Variants in CTNNA2 observed in about 807,000 individuals in gnomAD.
CTNNA2 encodes catenin alpha-2.
A neutral mutation model predicts 101.0 loss-of-function variants in CTNNA2; 42 were observed. That is an observed-to-expected ratio of 0.42 (90% CI 0.32 to 0.54). The LOEUF (loss-of-function observed/expected upper bound fraction) is 0.54, where lower values mean the gene tolerates loss of function less well. CTNNA2 is among the 20% of genes least tolerant of loss of function. The pLI, the probability that CTNNA2 is intolerant of heterozygous loss-of-function variation, is 0.14. For synonymous variants in CTNNA2, 450 were observed against 456.4 expected, an observed-to-expected ratio of 0.99 and a Z score of 0.18; for missense variants, 871 against 1,223.1, an observed-to-expected ratio of 0.71 and a Z score of 4.29.
At chr2:80,276,818 C>T (rs919329048) in intron 7 of CTNNA2, among the ~76,000 whole-genome samples, 3 of 152,210 alleles carry the variant, frequency 2.0e-5, no homozygotes, top group Admixed American at 6.5e-5. Flanking sequence ...GACCCAAACA[C>T]CCCCAGTTAG....
intron 4 of CTNNA2, among the ~76,000 whole-genome samples, chr2:79,429,666 A>T (rs892031523): frequency 2.5e-4 from 38 of 152,300 alleles, no homozygotes; most frequent in African/African-American, 8.4e-4. Context: ...GGAAACCATG[A>T]AAGTGGATTT....
chr2:79,972,556 C>G (rs143697976), intron 7 of CTNNA2, among the ~76,000 whole-genome samples: 4 of 152,126 alleles, frequency 2.6e-5, no homozygotes, highest in Non-Finnish European at 5.9e-5. Context: ...AACACATGCA[C>G]GTCTTTACGT....
At chr2:79,218,071 C>T (rs1284579752) in intron 2 of CTNNA2, among the ~76,000 whole-genome samples, 2 of 152,194 alleles carry the variant, frequency 1.3e-5, no homozygotes, top group African/African-American at 4.8e-5. Context: ...CAAAAGCCTC[C>T]CATGCTTCCT....
intron 8 of CTNNA2, among the ~76,000 whole-genome samples, chr2:80,395,985 G>A (rs1677978314): frequency 1.3e-5 from 2 of 152,144 alleles, no homozygotes; most frequent in Non-Finnish European, 2.9e-5. Context: ...CTTTTCAGAA[G>A]GGTGACCCTG....
intron 2 of CTNNA2, among the ~76,000 whole-genome samples, chr2:79,727,494 A>G (rs1215052946): frequency 6.6e-6 from 1 of 152,178 alleles, no homozygotes; most frequent in African/African-American, 2.4e-5. Flanking sequence ...AAATTCATTG[A>G]AAATCAATAC....
intron 9 of CTNNA2, among the ~76,000 whole-genome samples, chr2:80,542,066 T>G (rs1395543346): frequency 6.6e-6 from 1 of 151,324 alleles, no homozygotes; most frequent in Non-Finnish European, 1.5e-5. Context: ...CAAACATCAG[T>G]TCATCAATAA....
At chr2:79,724,811 C>T (rs1481067768) in intron 2 of CTNNA2, among the ~76,000 whole-genome samples, 17 of 99,606 alleles carry the variant, frequency 1.7e-4, no homozygotes, top group Non-Finnish European at 2.7e-4. Flanking sequence ...CAAGACTCCA[C>T]CTCAAAAAAA....
At chr2:79,710,880 C>G (rs1171364444) in intron 2 of CTNNA2, among the ~76,000 whole-genome samples, 4 of 152,134 alleles carry the variant, frequency 2.6e-5, no homozygotes, top group African/African-American at 9.7e-5. Flanking sequence ...TTTTCCTTTT[C>G]AATTTGAGCT....
chr2:79,696,225 G>A (rs1042609250), intron 2 of CTNNA2, among the ~76,000 whole-genome samples: 16 of 152,042 alleles, frequency 1.1e-4, no homozygotes, highest in African/African-American at 3.9e-4. Context: ...TTAGTTAAAG[G>A]CTTGTAGCCA....
intron 7 of CTNNA2, among the ~76,000 whole-genome samples, chr2:80,334,635 T>C (rs1430844524): frequency 6.6e-6 from 1 of 152,242 alleles, no homozygotes; most frequent in Non-Finnish European, 1.5e-5. Context: ...TGATTATTTT[T>C]CCTTATTTGT....
intron 8 of CTNNA2, among the ~76,000 whole-genome samples, chr2:80,402,943 G>A (rs544523578): frequency 1.3e-4 from 19 of 151,846 alleles, no homozygotes; most frequent in African/African-American, 3.4e-4. Flanking sequence ...TCTGGAGCAG[G>A]GCCAGGACAA....
intron 7 of CTNNA2, among the ~76,000 whole-genome samples, chr2:80,013,171 G>GA (rs999420314): frequency 4.0e-5 from 6 of 151,532 alleles, no homozygotes; most frequent in African/African-American, 1.2e-4. Context: ...GCCTAAAAAA[G>GA]AAAAAAAAGT....
chr2:80,506,407 C>T (rs1688283695), intron 9 of CTNNA2, among the ~76,000 whole-genome samples: 1 of 152,072 alleles, frequency 6.6e-6, no homozygotes, highest in Non-Finnish European at 1.5e-5. Flanking sequence ...TCAAACAATT[C>T]AGAGCTGTTG....
chr2:80,567,771 ACTGT>A lies in CTNNA2; in HGVS notation c.1742-6387_1742-6384del, dbSNP rs1694186413. Among the ~76,000 whole-genome samples, 7 of 152,154 alleles carry A rather than the reference ACTGT, an allele frequency of 4.6e-5. 1 individual carries two copies. The highest frequency in any genetic ancestry group is 4.2e-4 in the South Asian group (2 of 4,816). On this transcript the variant is annotated intron_variant, in intron 12 of 18. Coordinates refer to ENST00000402739, the MANE Select transcript of CTNNA2 (RefSeq NM_001282597.3). ...CAACTGTTACAGTAGAGGCTCAGTG[ACTGT>A]CTGTGATGGGGGGAGGATATTGTAC...
At chr2:79,930,999 A>G (rs1044404052) in intron 7 of CTNNA2, among the ~76,000 whole-genome samples, 5 of 152,070 alleles carry the variant, frequency 3.3e-5, no homozygotes, top group African/African-American at 4.8e-5. Context: ...TGACTTGTTA[A>G]CTGTAAAAAT....
At chr2:79,363,007 A>T (rs6715342) in intron 3 of CTNNA2, among the ~76,000 whole-genome samples, 116,690 of 152,214 alleles carry the variant, frequency 0.77, 45,033 homozygotes, top group East Asian at 0.96. Context: ...TCAGACAAAT[A>T]TAAGTTCTAA....
intron 3 of CTNNA2, among the ~76,000 whole-genome samples, chr2:79,758,647 C>T (rs898113501): frequency 6.6e-6 from 1 of 152,130 alleles, no homozygotes; most frequent in Non-Finnish European, 1.5e-5. Flanking sequence ...ATCTTTATGT[C>T]CATCAGTATG....
At chr2:80,154,490 A>T (rs1703892818) in intron 7 of CTNNA2, among the ~76,000 whole-genome samples, 3 of 152,170 alleles carry the variant, frequency 2.0e-5, no homozygotes, top group South Asian at 4.1e-4. Context: ...ATTGAATGTG[A>T]TTACGAGGGG....
At chr2:79,758,604 C>G (rs1165274325) in intron 3 of CTNNA2, among the ~76,000 whole-genome samples, 3 of 152,048 alleles carry the variant, frequency 2.0e-5, no homozygotes, top group Non-Finnish European at 2.9e-5. Context: ...CCTTCCTTTC[C>G]TCTTCTAGTA....
Sources: allele counts gnomAD v4.1 joint callset (sites outside exome capture counted in the v4.1 genomes callset), GRCh38; gene constraint gnomAD v4.1.1; transcripts MANE v1.5; gene names NCBI Gene and HGNC (gene_info 2026-07-23, HGNC 2026-07-21).